Variants in TSPAN8 observed in about 807,000 individuals in gnomAD.
The protein encoded by TSPAN8 is tetraspanin 8, also known as tetraspanin-8.
Under a neutral mutation model 32.8 loss-of-function variants are expected in TSPAN8, and 21 were observed. The observed-to-expected ratio is 0.64, with a 90% CI of 0.45 to 0.92. The LOEUF is 0.92. TSPAN8 is among the 40% of genes least tolerant of loss of function. TSPAN8 has a pLI of 0.00. For synonymous variants in TSPAN8, 95 were observed against 94.6 expected (o/e 1.00, Z -0.03); for missense variants, 269 against 281.9 (o/e 0.95, Z 0.33).
rs1871566369 is a variant in TSPAN8, at chr12:71,132,911, T to C, written c.445-87A>G. ...ATTAAATTATAATCTTCTGAAATCA[T>C]TATTAAAGGTTATTATGCTAAAATA... On this transcript the variant is annotated intron_variant, in intron 6 of 8. Transcript: ENST00000247829. The C allele has an allele frequency of 5.6e-6, 8 of 1,421,326 alleles. No individual in the cohort carries two copies. The South Asian group carries it at 7.3e-5, about 13-fold the overall frequency. 88.0% of individuals were successfully genotyped at this position (1,421,326 alleles called of 1,614,324 possible). A position where few individuals can be genotyped will look rare whatever the true frequency, so the allele number is the denominator to read the frequency against.
rs1872026953 is a variant in TSPAN8, at chr12:71,144,967, AG to A, written c.61-755del. On this transcript the variant is annotated intron_variant, in intron 2 of 8. Transcript: ENST00000247829. ...TTGTCATTCAGGGTTTAAAAAAAAA[AG>A]TTATGCATTGTGGCTTCAAAAACAA... is the stretch of plus-strand genomic sequence containing the variant. Among the ~76,000 whole-genome samples, 3 of 152,190 alleles carry A rather than the reference AG, an allele frequency of 2.0e-5. 1 individual carries two copies. The highest frequency in any genetic ancestry group is 2.0e-4 in the Admixed American group (3 of 15,272).
At chr12:71,134,424 A>G (rs1871615885) in intron 6 of TSPAN8, among the ~76,000 whole-genome samples, 1 of 152,254 alleles carries the variant, frequency 6.6e-6, no homozygotes, top group Admixed American at 6.5e-5. Context: ...TTTCAAAGAT[A>G]GTTCAAATAA....
intron 2 of TSPAN8, chr12:71,157,407 C>T (rs913402313): frequency 2.4e-5 from 11 of 466,646 alleles, no homozygotes; most frequent in South Asian, 8.6e-5. Flanking sequence ...AATGTTTATC[C>T]TCACATTCTG....
Position 71,131,677 on chromosome 12 carries a change from T to C in TSPAN8, c.576+1016A>G, listed in dbSNP as rs1294481933. Among the ~76,000 whole-genome samples, 2 of 69,924 alleles carry C rather than the reference T, an allele frequency of 2.9e-5. 1 individual carries two copies. The highest frequency in any genetic ancestry group is 7.8e-5 in the Non-Finnish European group (2 of 25,560). 45.9% of individuals were successfully genotyped at this position (69,924 alleles called of 152,430 possible). ...TAGCAAGGGTCTGTCTGACATGTAG[T>C]AGGCACTGAAGAATAACAGTAAATA... is the stretch of plus-strand genomic sequence containing the variant. On this transcript the variant is annotated intron_variant, in intron 7 of 8. Coordinates refer to ENST00000247829, the MANE Select transcript of TSPAN8 (RefSeq NM_004616.3).
chr12:71,144,880 T>C (rs1022894576), intron 2 of TSPAN8, among the ~76,000 whole-genome samples: 1 of 152,154 alleles, frequency 6.6e-6, no homozygotes, highest in African/African-American at 2.4e-5. Flanking sequence ...GATTATTTAA[T>C]TTGGACCAAT....
chr12:71,139,051 C>A, intron 4 of TSPAN8: 1 of 447,010 alleles, frequency 2.2e-6, no homozygotes, highest in Non-Finnish European at 4.5e-6. Context: ...CCAATTTATC[C>A]TCCTCAATGC....
intron 4 of TSPAN8, 135 bp downstream of exon 4, chr12:71,139,576 C>T (rs1046931363): frequency 4.7e-5 from 58 of 1,228,060 alleles, no homozygotes; most frequent in Non-Finnish European, 6.1e-5. Context: ...TCAGCTTCCA[C>T]AATCAAACCT....
At chr12:71,128,813 G>C (rs893349438) in intron 8 of TSPAN8, among the ~76,000 whole-genome samples, 1 of 152,018 alleles carries the variant, frequency 6.6e-6, no homozygotes, top group Admixed American at 6.5e-5. Context: ...GAGGAAATCA[G>C]AGACAATTAC....
At chr12:71,157,899 C>T (rs1039560200) in intron 1 of TSPAN8, 31 bp downstream of exon 1, 3 of 521,972 alleles carry the variant, frequency 5.7e-6, no homozygotes, top group Non-Finnish European at 1.0e-5. Flanking sequence ...TTAACCCACA[C>T]ATTTAAATAT....
chr12:71,126,957 T>A (rs1343973224), intron 8 of TSPAN8, among the ~76,000 whole-genome samples: 1 of 152,128 alleles, frequency 6.6e-6, no homozygotes, highest in African/African-American at 2.4e-5. Context: ...GTGAGAAGAA[T>A]CCCTTAGGTA....
At chr12:71,139,014 A>C in intron 4 of TSPAN8, 1 of 426,636 alleles carries the variant, frequency 2.3e-6, no homozygotes, top group African/African-American at 2.0e-5. Flanking sequence ...TATATGTTAA[A>C]AGTGAATGCC....
intron 2 of TSPAN8, among the ~76,000 whole-genome samples, chr12:71,144,757 A>G (rs1872019528): frequency 6.6e-6 from 1 of 152,148 alleles, no homozygotes; most frequent in Non-Finnish European, 1.5e-5. Flanking sequence ...CACTTTTTGA[A>G]CCCAAATAAA....
intron 8 of TSPAN8, among the ~76,000 whole-genome samples, chr12:71,126,568 C>A (rs533667831): frequency 1.3e-5 from 2 of 151,242 alleles, no homozygotes; most frequent in South Asian, 4.2e-4. Context: ...TATGATTGTT[C>A]AAAAAAAAGC....
At chr12:71,129,963 T>C (rs1442748938) in intron 7 of TSPAN8, among the ~76,000 whole-genome samples, 3 of 150,868 alleles carry the variant, frequency 2.0e-5, no homozygotes, top group Non-Finnish European at 4.4e-5. Flanking sequence ...TTTTTTTTTT[T>C]TTTCTTTGAG....
chr12:71,144,012 C>T (rs1565787395), intron 3 of TSPAN8, 139 bp downstream of exon 3: 1 of 658,948 alleles, frequency 1.5e-6, no homozygotes, highest in Non-Finnish European at 2.5e-6. Context: ...TATAAAATCA[C>T]ATAACAGCAC....
At position 71,129,353 on chromosome 12, in the gene TSPAN8, G is replaced by C; in HGVS notation, c.638C>G (p.Ser213Ter). The change falls in exon 8 of 9, where the codon TCA becomes TGA. Residue 213 changes from serine (S) to a stop codon, truncating the protein, a stop_gained. Transcript: ENST00000247829. LOFTEE classifies it high-confidence loss of function. ...AKNLIIVIGI[S>*]FGLAVIEILG... ...TACCTCAATAACTGCCAGTCCAAATGATATTCCAATAACTATAATCAAATT... is the reference window on the plus strand; with the variant it reads ...TACCTCAATAACTGCCAGTCCAAATCATATTCCAATAACTATAATCAAATT... 2 of 1,582,600 alleles carry C rather than the reference G, an allele frequency of 1.3e-6. No homozygotes were observed. The highest frequency in any genetic ancestry group is 1.7e-6 in the Non-Finnish European group (2 of 1,164,922).
rs563512623 is a variant in TSPAN8, at chr12:71,141,108, A to C, written c.124-1260T>G. Among the ~76,000 whole-genome samples, 7 of 152,348 alleles carry C rather than the reference A, an allele frequency of 4.6e-5. No individual in the cohort carries two copies. In the East Asian group the frequency reaches 1.4e-3, roughly 29 times the overall value. On this transcript the variant is annotated intron_variant, in intron 3 of 8. Coordinates refer to ENST00000247829, the MANE Select transcript of TSPAN8 (RefSeq NM_004616.3). The stretch of plus-strand genomic sequence containing the variant: ...TATTTTGTCAGGGTCCTAATAAATA[A>C]GTTTGTAATCCTGGAACAGTCACCC...
intron 6 of TSPAN8, among the ~76,000 whole-genome samples, chr12:71,134,949 C>G (rs966026022): frequency 6.6e-6 from 1 of 152,252 alleles, no homozygotes; most frequent in South Asian, 2.1e-4. Context: ...GCAGTAGGCA[C>G]TAATGATACA....
intron 7 of TSPAN8, among the ~76,000 whole-genome samples, chr12:71,131,978 G>A (rs527769664): frequency 1.3e-5 from 2 of 152,220 alleles, no homozygotes; most frequent in East Asian, 1.9e-4. Flanking sequence ...ATGAATTCCC[G>A]GTGACTGGTA....
Sources: allele counts gnomAD v4.1 joint callset (sites outside exome capture counted in the v4.1 genomes callset), GRCh38; gene constraint gnomAD v4.1.1; transcripts MANE v1.5; gene names NCBI Gene and HGNC (gene_info 2026-07-23, HGNC 2026-07-21).